UGT1A8: variants seen among roughly 807,000 people sequenced by gnomAD.
The protein encoded by UGT1A8 is UDP glucuronosyltransferase family 1 member A8.
In UGT1A8, 39 loss-of-function variants were observed where a neutral mutation model predicts 45.3. The observed-to-expected ratio is 0.86, with a 90% CI of 0.67 to 1.12. UGT1A8 has a LOEUF of 1.12. UGT1A8 is among the 50% of genes most tolerant of loss of function. The pLI, the probability that UGT1A8 is intolerant of heterozygous loss-of-function variation, is 0.00. For synonymous variants in UGT1A8, 275 were observed against 249.2 expected (o/e 1.10, Z -0.97); for missense variants, 719 against 664.9 (o/e 1.08, Z -0.90).
At chr2:233,729,344 A>G in intron 1 of UGT1A8, 1 of 1,614,144 alleles carries the variant, frequency 6.2e-7, no homozygotes, top group Non-Finnish European at 8.5e-7. Flanking sequence ...AAAGAAGAGA[A>G]CTTTTTCACC....
chr2:233,682,094 C>T (rs1325065140), intron 1 of UGT1A8: 3 of 1,614,112 alleles, frequency 1.9e-6, no homozygotes, highest in East Asian at 2.2e-5. Context: ...CCTCAGGGGG[C>T]ATGAGGTGGT....
intron 1 of UGT1A8, among the ~76,000 whole-genome samples, chr2:233,633,166 G>C (rs1034498183): frequency 2.4e-4 from 37 of 152,172 alleles, no homozygotes; most frequent in African/African-American, 8.7e-4. Flanking sequence ...AAGCCGACTT[G>C]ATCATGGTGG....
At position 233,617,808 on chromosome 2, in the gene UGT1A8, A is replaced by T. The variant is rs372060147; in HGVS notation, c.101A>T (p.Asp34Val). The T allele has an allele frequency of 9.9e-6, 16 of 1,614,022 alleles. No homozygotes were observed. In the East Asian group the frequency reaches 1.3e-4, roughly 13 times the overall value. ...GGGAAGCTGCTGGTAGTGCCCATGG[A>T]TGGGAGTCACTGGTTCACCATGCAG... ...EAGKLLVVPM[D>V]GSHWFTMQSV... Residue 34 changes from aspartate (D) to valine (V), a missense_variant, in exon 1 of 5, where the codon GAT becomes GTT. Asp to Val is a radical substitution (Grantham distance 152, BLOSUM62 -3). Transcript: ENST00000373450.
At chr2:233,714,460 GATTGT>G (rs1241465467) in intron 1 of UGT1A8, among the ~76,000 whole-genome samples, 2 of 152,154 alleles carry the variant, frequency 1.3e-5, no homozygotes, top group East Asian at 3.9e-4. Context: ...GGGAGTGTTG[GATTGT>G]AATAGGAGAA....
At chr2:233,760,161 T>G (rs768792415) in intron 1 of UGT1A8, 27 of 1,512,160 alleles carry the variant, frequency 1.8e-5, no homozygotes, top group Non-Finnish European at 2.3e-5. Context: ...CCTGCTACCT[T>G]TGTGGACTGA....
At chr2:233,719,052 A>T (rs200903552) in intron 1 of UGT1A8, 1 of 1,614,270 alleles carries the variant, frequency 6.2e-7, no homozygotes, top group Non-Finnish European at 8.5e-7. Flanking sequence ...TTTCACCCTG[A>T]CAGCCTATGC....
chr2:233,723,412 A>G, intron 1 of UGT1A8, among the ~76,000 whole-genome samples: 1 of 132,624 alleles, frequency 7.5e-6, no homozygotes, highest in African/African-American at 3.1e-5. Flanking sequence ...GTTTCACCAT[A>G]CTGGTCAGGC....
intron 1 of UGT1A8, among the ~76,000 whole-genome samples, chr2:233,619,195 T>C (rs1306462560): frequency 2.6e-5 from 4 of 152,186 alleles, no homozygotes; most frequent in African/African-American, 7.2e-5. Flanking sequence ...GTGCTGGACA[T>C]ATTCTTCTTT....
intron 1 of UGT1A8, among the ~76,000 whole-genome samples, chr2:233,627,369 C>A (rs188920574): frequency 5.3e-5 from 8 of 152,088 alleles, no homozygotes; most frequent in Admixed American, 4.6e-4. Flanking sequence ...AGCAAACCAT[C>A]CTTTGCTGCC....
chr2:233,772,713 T>G lies in UGT1A8; in HGVS notation c.*154T>G. ...GAGTGCTTTAAAAAATTCTCTTAAA[T>G]AAAAATAATAGACTCGCTAGTCAGT... On this transcript the variant is annotated 3_prime_UTR_variant, in exon 5 of 5. Transcript: ENST00000373450. The G allele has an allele frequency of 6.8e-7, 1 of 1,465,268 alleles. No individual in the cohort carries two copies. Among genetic ancestry groups the G allele is most frequent in the Non-Finnish European group, 9.0e-7 (1 of 1,113,920 alleles). 90.8% of individuals were successfully genotyped at this position (1,465,268 alleles called of 1,614,324 possible).
At chr2:233,684,946 ATCTG>A (rs1416123749) in intron 1 of UGT1A8, among the ~76,000 whole-genome samples, 6 of 140,222 alleles carry the variant, frequency 4.3e-5, no homozygotes, top group Admixed American at 6.9e-5. Flanking sequence ...TCTGCATTTC[ATCTG>A]TCTGATGAAA....
chr2:233,714,585 C>A (rs1055592636), intron 1 of UGT1A8, among the ~76,000 whole-genome samples: 7 of 152,290 alleles, frequency 4.6e-5, no homozygotes, highest in African/African-American at 1.7e-4. Context: ...ATAATTTAAA[C>A]TTTTCTAGTG....
chr2:233,632,515 C>A (rs1406829243), intron 1 of UGT1A8, among the ~76,000 whole-genome samples: 3 of 152,170 alleles, frequency 2.0e-5, no homozygotes, highest in Non-Finnish European at 4.4e-5. Flanking sequence ...TTTACTTGAG[C>A]AGTGGTTTGT....
At chr2:233,727,811 G>C (rs1024803216) in intron 1 of UGT1A8, among the ~76,000 whole-genome samples, 4 of 152,210 alleles carry the variant, frequency 2.6e-5, no homozygotes, top group African/African-American at 9.7e-5. Context: ...CATGGGTTCT[G>C]TCCAAAGGTG....
intron 1 of UGT1A8, chr2:233,747,252 C>T (rs766084078): frequency 6.9e-6 from 11 of 1,600,814 alleles, no homozygotes; most frequent in Non-Finnish European, 9.4e-6. Context: ...TGTGGCTGGC[C>T]ACAGGAGTGC....
At chr2:233,693,293 A>G (rs978243780) in intron 1 of UGT1A8, 6 of 1,614,104 alleles carry the variant, frequency 3.7e-6, no homozygotes, top group African/African-American at 1.3e-5. Context: ...ATTTGGAAAC[A>G]ATCACTTTGC....
chr2:233,724,499 A>T, intron 1 of UGT1A8, among the ~76,000 whole-genome samples: 1 of 77,576 alleles, frequency 1.3e-5, no homozygotes, highest in Admixed American at 1.3e-4. Context: ...GGCCGGGCAG[A>T]GACGCTCCTC....
intron 1 of UGT1A8, chr2:233,647,904 TC>T: frequency 6.3e-7 from 1 of 1,578,798 alleles, no homozygotes; most frequent in South Asian, 1.1e-5. Flanking sequence ...GAAGTTAGCC[TC>T]CAGGGAAGGT....
chr2:233,627,866 A>T (rs2073118472), intron 1 of UGT1A8, among the ~76,000 whole-genome samples: 1 of 151,988 alleles, frequency 6.6e-6, no homozygotes, highest in South Asian at 2.1e-4. Context: ...TAGTCCCATG[A>T]CTGTATTCAA....
Sources: allele counts gnomAD v4.1 joint callset (sites outside exome capture counted in the v4.1 genomes callset), GRCh38; gene constraint gnomAD v4.1.1; transcripts MANE v1.5; gene names NCBI Gene and HGNC (gene_info 2026-07-23, HGNC 2026-07-21).